RSRC1: variants seen among roughly 807,000 people sequenced by gnomAD.
RSRC1 encodes the protein arginine and serine rich coiled-coil 1, also known as serine/Arginine-related protein 53.
Under a neutral mutation model 49.1 loss-of-function variants are expected in RSRC1, and 39 were observed. The ratio of observed to expected loss-of-function variants is 0.79; its 90% confidence interval spans 0.61 to 1.04. The LOEUF is 1.04. RSRC1 is among the 50% of genes least tolerant of loss of function. The pLI is 0.00. For missense variants in RSRC1, 388 were observed against 402.4 expected, an observed-to-expected ratio of 0.96 and a Z score of 0.31; for synonymous variants, 143 against 130.8, an observed-to-expected ratio of 1.09 and a Z score of -0.63.
In RSRC1 at chr3:158,203,165, A is replaced by G. The variant is rs527243198; in HGVS notation, c.414A>G (p.Arg138=). 3.7e-6 allele frequency: 6 copies of G among 1,613,674 alleles called. No homozygotes were observed. In the South Asian group the frequency reaches 6.6e-5, roughly 18 times the overall value. The change falls in exon 4 of 10, where the codon CGA becomes CGG. Residue 138 remains arginine, a synonymous_variant. Coordinates refer to ENST00000611884, the MANE Select transcript of RSRC1 (RefSeq NM_001271838.2). ...RTRSRSRDRE[R]RKGRDKEKRE... ...GTAGTCGGTCTCGGGATAGAGAACG[A>G]CGTAAGGGCAGAGATAAAGAGAAAA...
chr3:158,364,791 C>T (rs1200267208), intron 6 of RSRC1, among the ~76,000 whole-genome samples: 1 of 146,570 alleles, frequency 6.8e-6, no homozygotes, highest in African/African-American at 2.5e-5. Flanking sequence ...TGCTGAGCTT[C>T]AGTTTTTTAT....
chr3:158,150,359 ACT>A (rs1717444864), intron 3 of RSRC1, among the ~76,000 whole-genome samples: 1 of 152,200 alleles, frequency 6.6e-6, no homozygotes, highest in East Asian at 1.9e-4. Context: ...GGTTGGATTT[ACT>A]TTGTATTTGG....
intron 7 of RSRC1, among the ~76,000 whole-genome samples, chr3:158,504,898 A>T (rs137932239): frequency 6.6e-6 from 1 of 152,232 alleles, no homozygotes; most frequent in South Asian, 2.1e-4. Context: ...TATTAGATTC[A>T]TTTGTTAGGT....
chr3:158,527,077 C>CT (rs543523088), intron 7 of RSRC1, among the ~76,000 whole-genome samples: 1,907 of 110,138 alleles, frequency 0.017, 28 homozygotes, highest in Non-Finnish European at 0.024. Context: ...AGTTCAAAAT[C>CT]TTTTTTTTTT....
rs1441651116 is a variant in RSRC1, at chr3:158,350,930, G to A, written c.532-3927G>A. Among the ~76,000 whole-genome samples the A allele has an allele frequency of 4.6e-5, 7 of 152,114 alleles. No homozygotes were observed. In the East Asian group the frequency reaches 9.6e-4, roughly 21 times the overall value. On this transcript the variant is annotated intron_variant, in intron 5 of 9. Transcript: ENST00000611884. ...GTATTTTCATTCTAAGCCAGCTAGT[G>A]TGATGATAGGTAACTAAAAATGGGT...
chr3:158,315,031 C>CA (rs10692835), intron 5 of RSRC1, among the ~76,000 whole-genome samples: 68,432 of 146,304 alleles, frequency 0.47, 16,008 homozygotes, highest in East Asian at 0.66. Context: ...GACTTTGTCT[C>CA]AAAAAAAAAA....
chr3:158,390,856 T>A (rs1004647560), intron 6 of RSRC1, among the ~76,000 whole-genome samples: 6 of 152,202 alleles, frequency 3.9e-5, no homozygotes. Flanking sequence ...TTTGAAAGGA[T>A]AAATGCAGAC....
chr3:158,303,746 CAT>C (rs769302970), intron 5 of RSRC1, among the ~76,000 whole-genome samples: 19 of 152,082 alleles, frequency 1.2e-4, no homozygotes, highest in Non-Finnish European at 2.2e-4. Flanking sequence ...GTTGGGTGTT[CAT>C]AAACCCAGGG....
At chr3:158,395,729 G>T (rs1037505789) in intron 6 of RSRC1, among the ~76,000 whole-genome samples, 2 of 152,132 alleles carry the variant, frequency 1.3e-5, no homozygotes, top group African/African-American at 4.8e-5. Flanking sequence ...CTGCTCATGG[G>T]AATGTAAATT....
At chr3:158,413,027 T>G (rs1178644894) in intron 6 of RSRC1, among the ~76,000 whole-genome samples, 8 of 152,062 alleles carry the variant, frequency 5.3e-5, no homozygotes. Flanking sequence ...GAGTCTGCAT[T>G]ACCAAGACTA....
At position 158,383,530 on chromosome 3, in the gene RSRC1, G is replaced by A. The variant is rs76025004; in HGVS notation, c.583+28622G>A. Among the ~76,000 whole-genome samples the A allele has an allele frequency of 2.1e-3, 324 of 152,172 alleles. 1 individual carries two copies. Among genetic ancestry groups the A allele is most frequent in the East Asian group, 0.013 (68 of 5,186 alleles). On this transcript the variant is annotated intron_variant, in intron 6 of 9. Transcript: ENST00000611884. Reference sequence around the variant, plus strand: ...AAAATATCTATCAAATCATTATGGAGGGAAAATCATGAAGTTGCAAAAGTA... The same window carrying A: ...AAAATATCTATCAAATCATTATGGAAGGAAAATCATGAAGTTGCAAAAGTA...
chr3:158,112,120 T>C lies in RSRC1; in HGVS notation c.-3+1897T>C, dbSNP rs7641797. On this transcript the variant is annotated intron_variant, in intron 1 of 9. Coordinates refer to ENST00000611884, the MANE Select transcript of RSRC1 (RefSeq NM_001271838.2). ...AGGAAACCAAGAGCTATAGGAGCTCTGTCCCATGTTGTCTCTTTCACCTAC... is the reference window on the plus strand; with the variant it reads ...AGGAAACCAAGAGCTATAGGAGCTCCGTCCCATGTTGTCTCTTTCACCTAC... Among the ~76,000 whole-genome samples, 1,164 of 152,326 alleles carry C rather than the reference T, an allele frequency of 7.6e-3. 19 individuals carry two copies. Among genetic ancestry groups the C allele is most frequent in the African/African-American group, 0.027 (1,128 of 41,564 alleles).
At chr3:158,187,551 T>C (rs1719999507) in intron 3 of RSRC1, among the ~76,000 whole-genome samples, 1 of 151,924 alleles carries the variant, frequency 6.6e-6, no homozygotes, top group East Asian at 1.9e-4. Context: ...GAATTACATA[T>C]TAGGAATATA....
At chr3:158,468,222 C>T (rs781364455) in intron 7 of RSRC1, among the ~76,000 whole-genome samples, 4 of 152,182 alleles carry the variant, frequency 2.6e-5, no homozygotes, top group East Asian at 3.9e-4. Context: ...CGTGAGCCAC[C>T]GCGCCCGGCC....
chr3:158,425,397 A>C (rs999268337), intron 6 of RSRC1, among the ~76,000 whole-genome samples: 7 of 152,034 alleles, frequency 4.6e-5, no homozygotes, highest in Non-Finnish European at 5.9e-5. Context: ...GTTTTGAGTG[A>C]GTTTCGTAAT....
At chr3:158,443,063 A>G (rs931364740) in intron 6 of RSRC1, among the ~76,000 whole-genome samples, 3 of 152,124 alleles carry the variant, frequency 2.0e-5, no homozygotes, top group African/African-American at 7.2e-5. Flanking sequence ...CTGTTATCCA[A>G]GCTTTGTTGT....
chr3:158,128,925 A>G (rs1715808392), intron 3 of RSRC1, among the ~76,000 whole-genome samples: 1 of 152,166 alleles, frequency 6.6e-6, no homozygotes, highest in Non-Finnish European at 1.5e-5. Flanking sequence ...TTTGGCAAGA[A>G]TACGAGAGAA....
chr3:158,211,479 T>G (rs1429671060), intron 4 of RSRC1, among the ~76,000 whole-genome samples: 3 of 151,954 alleles, frequency 2.0e-5, no homozygotes, highest in African/African-American at 7.2e-5. Flanking sequence ...CAAAACTAGC[T>G]TCTTCCACAT....
chr3:158,384,993 C>T (rs981394784), intron 6 of RSRC1, among the ~76,000 whole-genome samples: 1 of 151,604 alleles, frequency 6.6e-6, no homozygotes, highest in African/African-American at 2.4e-5. Context: ...CCCCAAAGTG[C>T]CATTTAGTGA....
Sources: gnomAD v4.1 joint callset for allele counts (sites outside exome capture counted in the v4.1 genomes callset) on GRCh38, gnomAD v4.1.1 for gene constraint, MANE v1.5 for transcripts, NCBI Gene and HGNC (gene_info 2026-07-23, HGNC 2026-07-21) for gene names.